The following LONP2 variants were observed in gnomAD, a reference collection of about 807,000 sequenced individuals.
The protein encoded by LONP2 is lon peptidase 2, peroxisomal.
Under a neutral mutation model 85.6 loss-of-function variants are expected in LONP2, and 60 were observed. That is an observed-to-expected ratio of 0.70 (90% confidence interval 0.57 to 0.87). The LOEUF (loss-of-function observed/expected upper bound fraction) is 0.87, where lower values mean the gene tolerates loss of function less well. Among genes scored for constraint, LONP2 ranks in the 40% least tolerant of loss-of-function variants. The pLI is 0.00. For synonymous variants in LONP2, 395 were observed against 389.7 expected (o/e 1.01, Z -0.16); for missense variants, 860 against 1,063.5 (o/e 0.81, Z 2.66).
At chr16:48,283,045 A>G (rs1972363780) in intron 8 of LONP2, among the ~76,000 whole-genome samples, 1 of 152,246 alleles carries the variant, frequency 6.6e-6, no homozygotes, top group Admixed American at 6.5e-5. Flanking sequence ...TAAGCCAACT[A>G]CAACATTCCC....
chr16:48,269,561 A>G (rs927092802), intron 6 of LONP2, among the ~76,000 whole-genome samples: 1 of 152,198 alleles, frequency 6.6e-6, no homozygotes, highest in African/African-American at 2.4e-5. Context: ...AATTACACAT[A>G]CTGAAGTAAA....
At chr16:48,331,216 CCTA>C (rs1959434104) in intron 11 of LONP2, among the ~76,000 whole-genome samples, 1 of 152,190 alleles carries the variant, frequency 6.6e-6, no homozygotes, top group African/African-American at 2.4e-5. Context: ...AGCAATGACA[CCTA>C]CTTTCTTTTC....
In LONP2 at chr16:48,270,069, A is replaced by C; in HGVS notation, c.1036A>C (p.Met346Leu). The C allele has an allele frequency of 1.2e-6, 2 of 1,614,046 alleles. No individual in the cohort carries two copies. Among genetic ancestry groups the C allele is most frequent in the Non-Finnish European group, 1.7e-6 (2 of 1,179,958 alleles). ...TCTTCTGGATAATGACCATTACGCCATGGAAAAATTGAAGAAAAGAGTACT... is the reference window on the plus strand; with the variant it reads ...TCTTCTGGATAATGACCATTACGCCCTGGAAAAATTGAAGAAAAGAGTACT... ...RILLDNDHYA[M>L]EKLKKRVLEY... is the part of the protein sequence containing the mutation. The change falls in exon 7 of 15, where the codon ATG becomes CTG. Residue 346 changes from methionine (M) to leucine (L), a missense_variant. Met to Leu is a conservative substitution (Grantham distance 15, BLOSUM62 2). This residue lies in a region of LONP2 where 743 missense variants were observed against 917.3 expected (regional missense o/e 0.81). Coordinates refer to ENST00000285737, the MANE Select transcript of LONP2 (RefSeq NM_031490.5).
intron 8 of LONP2, among the ~76,000 whole-genome samples, chr16:48,292,406 T>C (rs1308285899): frequency 2.0e-5 from 3 of 152,142 alleles, no homozygotes; most frequent in Non-Finnish European, 4.4e-5. Flanking sequence ...GGAAACAAAA[T>C]GGGAGGCAGG....
chr16:48,288,141 A>C (rs1972486277), intron 8 of LONP2, among the ~76,000 whole-genome samples: 1 of 148,204 alleles, frequency 6.7e-6, no homozygotes, highest in East Asian at 2.0e-4. Flanking sequence ...AGAATGTATT[A>C]GTCTTCTTCT....
intron 11 of LONP2, among the ~76,000 whole-genome samples, chr16:48,314,034 T>C (rs1184204349): frequency 6.6e-6 from 1 of 152,194 alleles, no homozygotes; most frequent in Non-Finnish European, 1.5e-5. Context: ...TTGTAGTTTT[T>C]ATTTGCATTT....
chr16:48,319,640 A>G (rs944870810), intron 11 of LONP2, among the ~76,000 whole-genome samples: 1 of 152,146 alleles, frequency 6.6e-6, no homozygotes, highest in Admixed American at 6.5e-5. Flanking sequence ...CCCTAGGGCA[A>G]GGCTGTGACA....
Position 48,355,564 on chromosome 16 carries a change from G to GT in LONP2, c.*3765dup, listed in dbSNP as rs1345620517. ...ATGACTAAGACAACAGGATAATTCTGTTTAACTTTTTGAGAACTGCCAAAC... is the reference window on the plus strand; with the variant it reads ...ATGACTAAGACAACAGGATAATTCTGTTTTAACTTTTTGAGAACTGCCAAAC... On this transcript the variant is annotated 3_prime_UTR_variant, in exon 15 of 15. Transcript: ENST00000285737. 2 of 152,170 alleles carry GT rather than the reference G, an allele frequency of 1.3e-5. No individual in the cohort carries two copies. The highest frequency in any genetic ancestry group is 2.9e-5 in the Non-Finnish European group (2 of 68,022). The allele number at this position is 152,170 out of a possible 1,614,324, so 9.4% of individuals were successfully genotyped here.
At chr16:48,315,963 ATTT>A (rs201723319) in intron 11 of LONP2, among the ~76,000 whole-genome samples, 2 of 107,608 alleles carry the variant, frequency 1.9e-5, no homozygotes, top group African/African-American at 3.7e-5. Context: ...CCATATTGTA[ATTT>A]TTTTTTTTTT....
At position 48,258,709 on chromosome 16, in the gene LONP2, C is replaced by G; in HGVS notation, c.692C>G (p.Thr231Ser). The change falls in exon 4 of 15, where the codon ACC (threonine) becomes AGC (serine). Residue 231 changes from threonine (T) to serine (S), a missense_variant. Physicochemically the swap from Thr to Ser is moderately conservative, Grantham distance 58. Around this residue, in one of 3 missense-constraint regions of LONP2, gnomAD observed 743 missense variants for 917.3 expected, o/e 0.81. Transcript: ENST00000285737. ...QIEGLKLLQK[T>S]RKPKQDDDKR... ...GAAGGCCTGAAATTGCTTCAAAAAA[C>G]CAGAAAACCCAAGCAAGATGATGAT... 1 of 1,611,238 alleles carries G rather than the reference C, an allele frequency of 6.2e-7. No individual in the cohort carries two copies.
Position 48,355,775 on chromosome 16 carries a change from A to C in LONP2, c.*3973A>C, listed in dbSNP as rs1960323530. On this transcript the variant is annotated 3_prime_UTR_variant, in exon 15 of 15. Transcript: ENST00000285737. ...TGAGCATTTTCTAGCATTGATTTTT[A>C]AGATGTTACCCAAAGACCCCTTGTA... 6.6e-6 allele frequency: 1 copy of C among 152,154 alleles called. No homozygotes were observed. Among genetic ancestry groups the C allele is most frequent in the Non-Finnish European group, 1.5e-5 (1 of 68,030 alleles). The allele number at this position is 152,154 out of a possible 1,614,324, so 9.4% of individuals were successfully genotyped here.
chr16:48,347,924 G>A (rs892392467), intron 13 of LONP2, among the ~76,000 whole-genome samples, 176 bp from the exon 14 acceptor site: 2 of 152,162 alleles, frequency 1.3e-5, no homozygotes, highest in Non-Finnish European at 2.9e-5. Flanking sequence ...GTTTTAATAC[G>A]ACTTAGAGTA....
intron 11 of LONP2, among the ~76,000 whole-genome samples, chr16:48,320,782 T>G (rs1973246764): frequency 6.6e-6 from 1 of 152,212 alleles, no homozygotes; most frequent in Non-Finnish European, 1.5e-5. Flanking sequence ...GAGACTTGTT[T>G]GCCTGTACAG....
chr16:48,281,263 C>T (rs1191102890), intron 8 of LONP2, among the ~76,000 whole-genome samples: 2 of 152,042 alleles, frequency 1.3e-5, no homozygotes, highest in Non-Finnish European at 2.9e-5. Context: ...GTAGGATATG[C>T]CCGTTTCCTT....
rs1213285757 is a variant in LONP2, at chr16:48,270,014, A to G, written c.983-2A>G. 3 of 1,609,950 alleles carry G rather than the reference A, an allele frequency of 1.9e-6. No homozygotes were observed. The highest frequency in any genetic ancestry group is 2.2e-5 in the East Asian group (1 of 44,830). On this transcript the variant is annotated splice_acceptor_variant, in intron 6 of 14. Coordinates refer to ENST00000285737, the MANE Select transcript of LONP2 (RefSeq NM_031490.5). LOFTEE classifies it high-confidence loss of function. ...AATTATTTCTGTTGGGTTATTTGAC[A>G]GACCGCCTGGACATTAGGGCAGCCC...
rs1378224920 is a variant in LONP2, at chr16:48,244,611, C to T, written c.223C>T (p.Pro75Ser). 3 of 1,470,022 alleles carry T rather than the reference C, an allele frequency of 2.0e-6. No individual in the cohort carries two copies. Among genetic ancestry groups the T allele is most frequent in the Admixed American group, 2.4e-5 (1 of 41,240 alleles). The allele number at this position is 1,470,022 out of a possible 1,614,324, so 91.1% of individuals were successfully genotyped here. ...DPASDAQDLP[P>S]LHRIGTAALA... ...CGCCAGCGACGCGCAGGACCTGCCG[C>T]CGCTGCACAGGTAGGCCTGGCTGCC... Residue 75 changes from proline to serine, a missense_variant, in exon 1 of 15, where the codon CCG becomes TCG. By Grantham distance (74) the Pro-to-Ser change is moderately conservative. This residue lies in a region of LONP2 where 743 missense variants were observed against 917.3 expected (regional missense o/e 0.81). Transcript: ENST00000285737.
intron 1 of LONP2, among the ~76,000 whole-genome samples, chr16:48,249,934 GT>G (rs1350070115): frequency 6.6e-6 from 1 of 152,150 alleles, no homozygotes; most frequent in Non-Finnish European, 1.5e-5. Flanking sequence ...GCTCACGCCC[GT>G]AATCCTAGCA....
chr16:48,275,014 G>C (rs1481892714), intron 7 of LONP2, among the ~76,000 whole-genome samples: 4 of 152,094 alleles, frequency 2.6e-5, no homozygotes, highest in African/African-American at 9.7e-5. Flanking sequence ...TGCAAAAGTT[G>C]CTTCCATGAG....
chr16:48,293,360 G>A lies in LONP2; in HGVS notation c.1384-2655G>A, dbSNP rs1032533327. 4.6e-5 allele frequency among the ~76,000 whole-genome samples: 7 copies of A among 152,220 alleles called. No individual in the cohort carries two copies. In the East Asian group the frequency reaches 7.7e-4, roughly 17 times the overall value. ...GGAGAATGGCGTGAGCCCGGGAGGC[G>A]GAGCTTGCAGTGAGCCGAGATCGCG... On this transcript the variant is annotated intron_variant, in intron 8 of 14. Coordinates refer to ENST00000285737, the MANE Select transcript of LONP2 (RefSeq NM_031490.5).
Sources: gnomAD v4.1 joint callset for allele counts (sites outside exome capture counted in the v4.1 genomes callset) on GRCh38, gnomAD v4.1.1 for gene constraint, gnomAD v4.1.1 regional missense constraint, MANE v1.5 for transcripts, NCBI Gene and HGNC (gene_info 2026-07-23, HGNC 2026-07-21) for gene names.